ATP2B1: variants seen among roughly 807,000 people sequenced by gnomAD.
The protein encoded by ATP2B1 is ATPase plasma membrane Ca2+ transporting 1.
In ATP2B1, 14 loss-of-function variants were observed where a neutral mutation model predicts 124.2. The observed-to-expected ratio is 0.11, with a 90% CI of 0.07 to 0.18. The LOEUF is 0.18. Ranked by LOEUF, ATP2B1 falls within the 10% of genes least tolerant of loss-of-function variation. The probability of loss-of-function intolerance (pLI) is 1.00; values close to 1 mark genes in which losing one functional copy is unlikely to be tolerated. For missense variants in ATP2B1, 763 were observed against 1,466.1 expected, an observed-to-expected ratio of 0.52 and a Z score of 7.83; for synonymous variants, 449 against 492.4, an observed-to-expected ratio of 0.91 and a Z score of 1.17.
chr12:89,682,043 A>G (rs1228678903), intron 1 of ATP2B1, among the ~76,000 whole-genome samples: 1 of 152,170 alleles, frequency 6.6e-6, no homozygotes, highest in Non-Finnish European at 1.5e-5. Flanking sequence ...TGAAACAACT[A>G]AATATAAAAA....
chr12:89,604,088 T>A (rs1386222899), intron 16 of ATP2B1, 67 bp downstream of exon 16: 85 of 1,486,374 alleles, frequency 5.7e-5, no homozygotes, highest in Non-Finnish European at 7.5e-5. Flanking sequence ...AAGTATTTTT[T>A]AAGAGGCATT....
At chr12:89,612,486 C>A (rs1334094871) in intron 12 of ATP2B1, among the ~76,000 whole-genome samples, 2 of 151,948 alleles carry the variant, frequency 1.3e-5, no homozygotes, top group Admixed American at 6.6e-5. Context: ...TAGCTCTAGC[C>A]TATTTCTGCC....
At chr12:89,612,767 C>G (rs1332208376) in intron 12 of ATP2B1, among the ~76,000 whole-genome samples, 1 of 152,142 alleles carries the variant, frequency 6.6e-6, no homozygotes, top group Non-Finnish European at 1.5e-5. Context: ...ATCATTAAGT[C>G]ATACTATAGT....
chr12:89,671,071 A>T (rs1887913664), intron 1 of ATP2B1, among the ~76,000 whole-genome samples: 1 of 152,132 alleles, frequency 6.6e-6, no homozygotes, highest in African/African-American at 2.4e-5. Context: ...ATCAGGTTAA[A>T]CCATATGACA....
chr12:89,615,339 C>A (rs1332113521), intron 12 of ATP2B1, among the ~76,000 whole-genome samples: 2 of 152,012 alleles, frequency 1.3e-5, no homozygotes, highest in African/African-American at 4.8e-5. Context: ...TTAATATCAT[C>A]CCCCCTGATA....
chr12:89,694,149 C>A (rs1355700630), intron 1 of ATP2B1, among the ~76,000 whole-genome samples: 3 of 152,124 alleles, frequency 2.0e-5, no homozygotes, highest in African/African-American at 7.2e-5. Context: ...ACTTGAGTAG[C>A]CAAAAGAAAC....
intron 3 of ATP2B1, among the ~76,000 whole-genome samples, chr12:89,639,533 T>TTA (rs956788826): frequency 4.0e-5 from 6 of 150,310 alleles, no homozygotes; most frequent in African/African-American, 1.5e-4. Context: ...TCTATATATT[T>TTA]TATATATATA....
chr12:89,636,051 A>T (rs150526139), intron 3 of ATP2B1, among the ~76,000 whole-genome samples: 35 of 152,272 alleles, frequency 2.3e-4, no homozygotes, highest in Admixed American at 1.8e-3. Flanking sequence ...TAAATGAAAA[A>T]AGAGGGATAA....
intron 6 of ATP2B1, among the ~76,000 whole-genome samples, chr12:89,629,337 C>T (rs1355155495): frequency 2.6e-5 from 4 of 152,096 alleles, no homozygotes; most frequent in African/African-American, 9.7e-5. Context: ...TTACTTTGTA[C>T]AGTTGTGAGG....
chr12:89,598,470 G>GAAAAGA (rs2135907090), intron 20 of ATP2B1: 1 of 1,232,380 alleles, frequency 8.1e-7, no homozygotes, highest in East Asian at 2.5e-5. Flanking sequence ...TCCACTTTAC[G>GAAAAGA]AAAAGAAAGC....
At chr12:89,638,781 T>C (rs1883074332) in intron 3 of ATP2B1, among the ~76,000 whole-genome samples, 1 of 152,230 alleles carries the variant, frequency 6.6e-6, no homozygotes. Flanking sequence ...TTGATATATG[T>C]ATATGCTGTG....
At chr12:89,671,391 T>A (rs1887960449) in intron 1 of ATP2B1, among the ~76,000 whole-genome samples, 1 of 152,174 alleles carries the variant, frequency 6.6e-6, no homozygotes, top group African/African-American at 2.4e-5. Context: ...ACGTTCACAA[T>A]GAGGTTACAG....
chr12:89,604,840 T>TC (rs1252417066), intron 15 of ATP2B1, among the ~76,000 whole-genome samples: 5 of 138,094 alleles, frequency 3.6e-5, no homozygotes, highest in Non-Finnish European at 6.3e-5. Flanking sequence ...TAGCCCCCTT[T>TC]CCCCCCAACA....
rs1879714738 is a variant in ATP2B1, at chr12:89,620,059, T to C, written c.1769A>G (p.Lys590Arg). The C allele has an allele frequency of 6.2e-7, 1 of 1,614,106 alleles. No homozygotes were observed. ...SVRKSMSTVL[K>R]NSDGSYRIFS... ...TATTCGATAACTTCCATCTGAATTT[T>C]TCAGGACAGTACTCATGGACTTCCT... The change falls in exon 11 of 21, where the codon AAA (lysine) becomes AGA (arginine). Residue 590 changes from lysine (K) to arginine (R), a missense_variant. Lys to Arg is a conservative substitution (Grantham distance 26). Coordinates refer to ENST00000428670, the MANE Select transcript of ATP2B1 (RefSeq NM_001366521.1).
At chr12:89,647,967 TC>T (rs1294583592) in intron 2 of ATP2B1, among the ~76,000 whole-genome samples, 2 of 152,112 alleles carry the variant, frequency 1.3e-5, no homozygotes, top group African/African-American at 4.8e-5. Context: ...CTCTGAGACA[TC>T]CCTAGAAGCC....
chr12:89,690,149 TA>T (rs1890395028), intron 1 of ATP2B1, among the ~76,000 whole-genome samples: 1 of 152,112 alleles, frequency 6.6e-6, no homozygotes, highest in South Asian at 2.1e-4. Flanking sequence ...CAATAACAGA[TA>T]TTTCAAAATA....
Position 89,590,036 on chromosome 12 carries a change from T to G in ATP2B1, c.*948A>C, listed in dbSNP as rs1873274176. The G allele has an allele frequency of 6.6e-6, 1 of 152,564 alleles. No individual in the cohort carries two copies. Among genetic ancestry groups the G allele is most frequent in the Non-Finnish European group, 1.5e-5 (1 of 67,990 alleles). The allele number at this position is 152,564 out of a possible 1,614,324, so 9.5% of individuals were successfully genotyped here. A position where few individuals can be genotyped will look rare whatever the true frequency, so the allele number is the denominator to read the frequency against. ...AAAAGACTAAGGTTCTCTTGTAGTTTGATAGTCTGATTTAATTTGATTTGC... is the reference window on the plus strand; with the variant it reads ...AAAAGACTAAGGTTCTCTTGTAGTTGGATAGTCTGATTTAATTTGATTTGC... On this transcript the variant is annotated 3_prime_UTR_variant, in exon 21 of 21. Coordinates refer to ENST00000428670, the MANE Select transcript of ATP2B1 (RefSeq NM_001366521.1).
chr12:89,677,971 T>TATATATATATACACAC (rs1461216851), intron 1 of ATP2B1, among the ~76,000 whole-genome samples: 2 of 52,324 alleles, frequency 3.8e-5, no homozygotes, highest in African/African-American at 1.4e-4. Context: ...TATATATATA[T>TATATATATATACACAC]ACACACACAC....
At chr12:89,629,904 T>C (rs181129101) in intron 6 of ATP2B1, among the ~76,000 whole-genome samples, 1 of 152,314 alleles carries the variant, frequency 6.6e-6, no homozygotes, top group African/African-American at 2.4e-5. Flanking sequence ...CTCTTGTGTA[T>C]AACAGTTTCT....
Sources: allele counts gnomAD v4.1 joint callset (sites outside exome capture counted in the v4.1 genomes callset), GRCh38; gene constraint gnomAD v4.1.1; transcripts MANE v1.5; gene names NCBI Gene and HGNC (gene_info 2026-07-23, HGNC 2026-07-21).